SPIRE1: variants seen among roughly 807,000 people sequenced by gnomAD.
The protein encoded by SPIRE1 is protein spire homolog 1.
In SPIRE1, 40 loss-of-function variants were observed where a neutral mutation model predicts 94.1. That is an observed-to-expected ratio of 0.43 (90% CI 0.33 to 0.55). The LOEUF (loss-of-function observed/expected upper bound fraction) is 0.55, where lower values mean the gene tolerates loss of function less well. SPIRE1 is among the 20% of genes least tolerant of loss of function. The pLI is 0.06. For synonymous variants in SPIRE1, 376 were observed against 371.7 expected (o/e 1.01, Z -0.13); for missense variants, 838 against 975.2 (o/e 0.86, Z 1.87).
At chr18:12,534,636 C>G (rs144179545) in intron 4 of SPIRE1, among the ~76,000 whole-genome samples, 2 of 152,118 alleles carry the variant, frequency 1.3e-5, no homozygotes, top group African/African-American at 2.4e-5. Context: ...CTTTTCTTCT[C>G]CTACCCTTGG....
intron 4 of SPIRE1, among the ~76,000 whole-genome samples, chr18:12,535,115 C>G (rs935705896): frequency 6.6e-6 from 1 of 152,116 alleles, no homozygotes; most frequent in Non-Finnish European, 1.5e-5. Flanking sequence ...TATCCCTTCC[C>G]GGAAGAGGTC....
At chr18:12,458,051 A>G (rs930460400) in intron 12 of SPIRE1, among the ~76,000 whole-genome samples, 4 of 150,950 alleles carry the variant, frequency 2.6e-5, no homozygotes, top group Admixed American at 2.6e-4. Context: ...TCACTGTGTT[A>G]GCCAGGATGG....
At chr18:12,527,898 C>G (rs1253076343) in intron 4 of SPIRE1, among the ~76,000 whole-genome samples, 2 of 152,040 alleles carry the variant, frequency 1.3e-5, no homozygotes, top group Non-Finnish European at 2.9e-5. Context: ...AACCCCGTCT[C>G]TACTAAAAAT....
chr18:12,626,240 G>A (rs1424932226), intron 2 of SPIRE1, among the ~76,000 whole-genome samples: 1 of 152,086 alleles, frequency 6.6e-6, no homozygotes, highest in Non-Finnish European at 1.5e-5. Context: ...ATTAAAAATT[G>A]ATATAGCCCT....
intron 9 of SPIRE1, among the ~76,000 whole-genome samples, chr18:12,480,642 T>A (rs542380951): frequency 4.9e-4 from 75 of 152,278 alleles, no homozygotes; most frequent in African/African-American, 1.7e-3. Context: ...TATTGGTGAA[T>A]AAATAAACTA....
At chr18:12,561,769 T>A (rs1481410933) in intron 2 of SPIRE1, among the ~76,000 whole-genome samples, 1 of 152,232 alleles carries the variant, frequency 6.6e-6, no homozygotes, top group Non-Finnish European at 1.5e-5. Context: ...CAGAATCCTA[T>A]AATCAACACA....
At chr18:12,639,454 C>T (rs1474465334) in intron 1 of SPIRE1, among the ~76,000 whole-genome samples, 2 of 152,102 alleles carry the variant, frequency 1.3e-5, no homozygotes, top group East Asian at 3.9e-4. Context: ...AGGAATGCGG[C>T]CAGGCGCAGT....
At chr18:12,643,306 A>AATT (rs1414763378) in intron 1 of SPIRE1, among the ~76,000 whole-genome samples, 1 of 152,212 alleles carries the variant, frequency 6.6e-6, no homozygotes, top group African/African-American at 2.4e-5. Flanking sequence ...CAAGCTCAAA[A>AATT]ATACATAGAC....
chr18:12,576,814 G>A (rs527281201), intron 2 of SPIRE1, among the ~76,000 whole-genome samples: 67 of 149,220 alleles, frequency 4.5e-4, no homozygotes, highest in African/African-American at 1.5e-3. Flanking sequence ...GCTCGAACCC[G>A]GGAGGTGAAG....
intron 10 of SPIRE1, among the ~76,000 whole-genome samples, chr18:12,475,638 T>G (rs1365915446): frequency 6.6e-6 from 1 of 152,226 alleles, no homozygotes; most frequent in East Asian, 1.9e-4. Flanking sequence ...TGGGATGTAT[T>G]TAACAGTCTC....
At chr18:12,479,972 C>G (rs953554735) in intron 9 of SPIRE1, 101 bp from the exon 10 acceptor site, 2 of 1,137,142 alleles carry the variant, frequency 1.8e-6, no homozygotes, top group African/African-American at 3.1e-5. Context: ...AACACAGAGG[C>G]TTGATTCAGT....
chr18:12,603,386 T>A (rs2036889614), intron 2 of SPIRE1, among the ~76,000 whole-genome samples: 2 of 152,098 alleles, frequency 1.3e-5, no homozygotes, highest in South Asian at 4.1e-4. Flanking sequence ...ACTCCTAGAA[T>A]CCTTGGAATG....
chr18:12,530,000 A>G (rs953536826), intron 4 of SPIRE1, among the ~76,000 whole-genome samples: 4 of 152,144 alleles, frequency 2.6e-5, no homozygotes, highest in Non-Finnish European at 4.4e-5. Flanking sequence ...ACTGACATCA[A>G]TATAGTAGTA....
intron 10 of SPIRE1, among the ~76,000 whole-genome samples, chr18:12,469,567 TTATA>T (rs1465700858): frequency 6.9e-6 from 1 of 145,594 alleles, no homozygotes; most frequent in Admixed American, 7.0e-5. Flanking sequence ...TATATATAAA[TTATA>T]TATATTATAT....
intron 2 of SPIRE1, among the ~76,000 whole-genome samples, chr18:12,589,485 C>T (rs2036472936): frequency 6.6e-6 from 1 of 152,164 alleles, no homozygotes; most frequent in African/African-American, 2.4e-5. Flanking sequence ...CTCAAACACA[C>T]AAGTATCATC....
rs9960836 is a variant in SPIRE1 at position 12,559,118 on chromosome 18, A to G, written c.373-12214T>C. 0.9 allele frequency among the ~76,000 whole-genome samples: 135,663 copies of G among 150,368 alleles called. 61,376 individuals carry two copies. Among genetic ancestry groups the G allele is most frequent in the Non-Finnish European group, 0.95 (64,217 of 67,518 alleles). On this transcript the variant is annotated intron_variant, in intron 2 of 16. Coordinates refer to ENST00000409402, the MANE Select transcript of SPIRE1 (RefSeq NM_001128626.2). The surrounding 1 kb of genome is among the most constrained non-coding windows in gnomAD (Gnocchi z 4.7). ...CCTTGGGCGGTAGATGGGACCAGGCACCTTGGAGCAGGGGGAGGCGCCCCC... is the reference window on the plus strand; with the variant it reads ...CCTTGGGCGGTAGATGGGACCAGGCGCCTTGGAGCAGGGGGAGGCGCCCCC...
intron 2 of SPIRE1, among the ~76,000 whole-genome samples, chr18:12,632,748 C>A (rs201785826): frequency 6.6e-6 from 1 of 150,642 alleles, no homozygotes; most frequent in Admixed American, 6.6e-5. Context: ...GATTCCAATT[C>A]TTTTGGTGAC....
intron 2 of SPIRE1, among the ~76,000 whole-genome samples, chr18:12,563,025 T>A (rs1598475381): frequency 6.6e-6 from 1 of 152,168 alleles, no homozygotes; most frequent in South Asian, 2.1e-4. Context: ...CATGAAAAGA[T>A]CTGTGTTTTC....
At chr18:12,472,314 C>T (rs2032393019) in intron 10 of SPIRE1, among the ~76,000 whole-genome samples, 1 of 151,454 alleles carries the variant, frequency 6.6e-6, no homozygotes, top group South Asian at 2.1e-4. Context: ...CAATGAAAGT[C>T]TAACACAGGG....
Sources: allele counts gnomAD v4.1 joint callset (sites outside exome capture counted in the v4.1 genomes callset), GRCh38; gene constraint gnomAD v4.1.1; non-coding constraint Gnocchi (gnomAD v3.1); transcripts MANE v1.5; gene names NCBI Gene and HGNC (gene_info 2026-07-23, HGNC 2026-07-21).